Variants in TACR3 observed in about 807,000 individuals in gnomAD.
TACR3 encodes tachykinin receptor 3, also known as neuromedin-K receptor.
Under a neutral mutation model 35.0 loss-of-function variants are expected in TACR3, and 34 were observed. That is an observed-to-expected ratio of 0.97 (90% CI 0.74 to 1.30). The LOEUF is 1.30. TACR3 is among the 50% of genes most tolerant of loss of function. The pLI, the probability that TACR3 is intolerant of heterozygous loss-of-function variation, is 0.00. For synonymous variants in TACR3, 233 were observed against 221.1 expected, an observed-to-expected ratio of 1.05 and a Z score of -0.48; for missense variants, 558 against 591.7, an observed-to-expected ratio of 0.94 and a Z score of 0.59.
At chr4:103,716,767 C>T (rs190542227) in intron 1 of TACR3, among the ~76,000 whole-genome samples, 1 of 152,242 alleles carries the variant, frequency 6.6e-6, no homozygotes, top group Admixed American at 6.5e-5. Flanking sequence ...AATATATTTT[C>T]CATTTAGGCT....
At chr4:103,666,893 C>A (rs533702328) in intron 1 of TACR3, among the ~76,000 whole-genome samples, 2 of 152,124 alleles carry the variant, frequency 1.3e-5, no homozygotes, top group Admixed American at 1.3e-4. Context: ...GTCTCAAAAA[C>A]CACTTCCATA....
At chr4:103,624,922 A>C (rs1724857331) in intron 3 of TACR3, among the ~76,000 whole-genome samples, 1 of 152,238 alleles carries the variant, frequency 6.6e-6, no homozygotes, top group South Asian at 2.1e-4. Flanking sequence ...GTCTTTAAAA[A>C]GTGTGGGTGA....
chr4:103,595,168 G>A (rs543547323), intron 3 of TACR3, among the ~76,000 whole-genome samples: 1 of 152,272 alleles, frequency 6.6e-6, no homozygotes, highest in South Asian at 2.1e-4. Flanking sequence ...CCACTGTATT[G>A]CATGGCTGAA....
At chr4:103,626,133 T>C (rs1393382972) in intron 3 of TACR3, among the ~76,000 whole-genome samples, 2 of 152,198 alleles carry the variant, frequency 1.3e-5, no homozygotes, top group Non-Finnish European at 2.9e-5. Context: ...CTATCATTTT[T>C]ACCTTTCCCT....
intron 1 of TACR3, among the ~76,000 whole-genome samples, chr4:103,690,168 T>C (rs1722369506): frequency 6.6e-6 from 1 of 152,084 alleles, no homozygotes; most frequent in Non-Finnish European, 1.5e-5. Flanking sequence ...CTGCCTTAAG[T>C]ATATACTAAA....
intron 3 of TACR3, among the ~76,000 whole-genome samples, chr4:103,631,753 A>C (rs889265489): frequency 2.6e-5 from 4 of 152,212 alleles, no homozygotes; most frequent in Non-Finnish European, 5.9e-5. Flanking sequence ...CATCTATAAA[A>C]TGAGAAGGTA....
intron 1 of TACR3, among the ~76,000 whole-genome samples, chr4:103,708,196 C>A (rs2110228618): frequency 6.6e-6 from 1 of 152,350 alleles, no homozygotes; most frequent in East Asian, 1.9e-4. Context: ...CACGGACAGA[C>A]TGCCTCCTTA....
intron 3 of TACR3, among the ~76,000 whole-genome samples, chr4:103,621,868 A>G (rs1724788541): frequency 6.6e-6 from 1 of 152,238 alleles, no homozygotes; most frequent in Non-Finnish European, 1.5e-5. Context: ...TATGGGCATA[A>G]TACAAATGTA....
In TACR3 at chr4:103,589,314, T is replaced by C. The variant is rs1029393595; in HGVS notation, c.*368A>G. The stretch of plus-strand genomic sequence containing the variant: ...TCCCTTCACTTACAATATTATGTTT[T>C]AAAGATTCTTTAATCTCTTGGAAAA... On this transcript the variant is annotated 3_prime_UTR_variant, in exon 5 of 5. Transcript: ENST00000304883. 1 of 187,176 alleles carries C rather than the reference T, an allele frequency of 5.3e-6. No homozygotes were observed. Among genetic ancestry groups the C allele is most frequent in the Admixed American group, 5.3e-5 (1 of 18,740 alleles). 11.6% of individuals were successfully genotyped at this position (187,176 alleles called of 1,614,324 possible). A position where few individuals can be genotyped will look rare whatever the true frequency, so the allele number is the denominator to read the frequency against.
chr4:103,648,085 T>C (rs925322635), intron 3 of TACR3, among the ~76,000 whole-genome samples: 3 of 151,976 alleles, frequency 2.0e-5, no homozygotes, highest in Admixed American at 6.6e-5. Flanking sequence ...TGCTCGTGAC[T>C]AGCCTAAAAT....
At chr4:103,686,926 G>T (rs918345799) in intron 1 of TACR3, among the ~76,000 whole-genome samples, 2 of 152,146 alleles carry the variant, frequency 1.3e-5, no homozygotes, top group African/African-American at 4.8e-5. Context: ...TACCAAAGCT[G>T]GGCAGAGACA....
At chr4:103,677,641 T>C (rs1049309613) in intron 1 of TACR3, among the ~76,000 whole-genome samples, 1 of 152,046 alleles carries the variant, frequency 6.6e-6, no homozygotes, top group Non-Finnish European at 1.5e-5. Flanking sequence ...TATTTAGAAG[T>C]GGGAGCTAAA....
At chr4:103,694,237 G>C (rs1560534400) in intron 1 of TACR3, among the ~76,000 whole-genome samples, 1 of 147,814 alleles carries the variant, frequency 6.8e-6, no homozygotes, top group African/African-American at 2.7e-5. Flanking sequence ...TTATCTAACT[G>C]TATGCTTGTG....
intron 3 of TACR3, among the ~76,000 whole-genome samples, chr4:103,651,625 TTTACTTTTCCC>T (rs1725620012): frequency 6.6e-6 from 1 of 151,802 alleles, no homozygotes; most frequent in Admixed American, 6.6e-5. Context: ...TAAAGTCCCC[TTTACTTTTCCC>T]TTAGCTTTTC....
chr4:103,672,283 A>T (rs546370332), intron 1 of TACR3, among the ~76,000 whole-genome samples: 15 of 152,248 alleles, frequency 9.9e-5, no homozygotes, highest in African/African-American at 3.6e-4. Flanking sequence ...TTTCCAGAAG[A>T]TTCTCAATTT....
At chr4:103,678,936 T>A (rs1452289163) in intron 1 of TACR3, among the ~76,000 whole-genome samples, 1 of 151,968 alleles carries the variant, frequency 6.6e-6, no homozygotes, top group Admixed American at 6.6e-5. Context: ...ATTAGTAATA[T>A]AATCTGACTT....
In TACR3 at chr4:103,616,298, G is replaced by A. The variant is rs535253711; in HGVS notation, c.889-24615C>T. On this transcript the variant is annotated intron_variant, in intron 3 of 4. Transcript: ENST00000304883. ...CTCCCAATAATGGCAGAGTACATAC[G>A]TGTATGTGTGTGTGTGTGTGTTTGT... Among the ~76,000 whole-genome samples, 826 of 102,496 alleles carry A rather than the reference G, an allele frequency of 8.1e-3. 6 individuals carry two copies. Among genetic ancestry groups the A allele is most frequent in the Non-Finnish European group, 9.8e-3 (502 of 51,152 alleles). 67.2% of individuals were successfully genotyped at this position (102,496 alleles called of 152,430 possible).
intron 1 of TACR3, among the ~76,000 whole-genome samples, chr4:103,680,800 C>G (rs1312288722): frequency 6.6e-6 from 1 of 151,584 alleles, no homozygotes; most frequent in African/African-American, 2.4e-5. Flanking sequence ...CTATAATAAG[C>G]CATTTCATCT....
chr4:103,606,754 A>G (rs1252552312), intron 3 of TACR3, among the ~76,000 whole-genome samples: 1 of 152,156 alleles, frequency 6.6e-6, no homozygotes. Context: ...ATATACAATC[A>G]TGTCATCTGC....
Sources: gnomAD v4.1 joint callset for allele counts (sites outside exome capture counted in the v4.1 genomes callset) on GRCh38, gnomAD v4.1.1 for gene constraint, MANE v1.5 for transcripts, NCBI Gene and HGNC (gene_info 2026-07-23, HGNC 2026-07-21) for gene names.